GPR137B: variants seen among roughly 807,000 people sequenced by gnomAD.
The protein encoded by GPR137B is G protein-coupled receptor 137B.
A neutral mutation model predicts 42.5 loss-of-function variants in GPR137B; 42 were observed. That is an observed-to-expected ratio of 0.99 (90% CI 0.77 to 1.28). The LOEUF is 1.28. GPR137B is among the 50% of genes most tolerant of loss of function. The pLI, the probability that GPR137B is intolerant of heterozygous loss-of-function variation, is 0.00. For missense variants in GPR137B, 487 were observed against 493.9 expected, an observed-to-expected ratio of 0.99 and a Z score of 0.13; for synonymous variants, 218 against 209.7, an observed-to-expected ratio of 1.04 and a Z score of -0.34.
chr1:236,169,054 C>G (rs1662446247), intron 2 of GPR137B, among the ~76,000 whole-genome samples: 1 of 152,344 alleles, frequency 6.6e-6, no homozygotes, highest in South Asian at 2.1e-4. Context: ...TGTATGTTGC[C>G]TCTAAACCTT....
chr1:236,172,102 G>A (rs997977650), intron 2 of GPR137B, among the ~76,000 whole-genome samples: 1 of 151,992 alleles, frequency 6.6e-6, no homozygotes, highest in African/African-American at 2.4e-5. Flanking sequence ...CTTGAAACAG[G>A]AGGGTGAGGT....
At position 236,208,041 on chromosome 1, in the gene GPR137B, CTTTTT is replaced by C. The variant is rs760601150; in HGVS notation, c.1092-8_1092-4del. 19 of 1,597,076 alleles carry C rather than the reference CTTTTT, an allele frequency of 1.2e-5. No homozygotes were observed. The highest frequency in any genetic ancestry group is 1.7e-4 in the Middle Eastern group (1 of 6,054). ...TTTCAAGTCACTGAAATATTTTTTTCTTTTTAAGTTTTGCTCCAGATTACTATGAT... is the reference window on the plus strand; with the variant it reads ...TTTCAAGTCACTGAAATATTTTTTTCAAGTTTTGCTCCAGATTACTATGAT... On this transcript the variant is annotated splice_polypyrimidine_tract_variant and splice_region_variant and intron_variant, in intron 6 of 6. Coordinates refer to ENST00000366592, the MANE Select transcript of GPR137B (RefSeq NM_003272.4).
In GPR137B at chr1:236,142,599, G is replaced by GGGC. The variant is rs1558474989; in HGVS notation, c.-14_-12dup. On this transcript the variant is annotated 5_prime_UTR_variant, in exon 1 of 7. Transcript: ENST00000366592. ...GCGCGATGCGCGGAGACCCCCGCGG[G>GGGC]GGCGGCGGCGGCCGTGAGCCCCGAT... 3 of 1,291,392 alleles carry GGGC rather than the reference G, an allele frequency of 2.3e-6. No individual in the cohort carries two copies. In the East Asian group the frequency reaches 9.7e-5, roughly 42 times the overall value. 80.0% of individuals were successfully genotyped at this position (1,291,392 alleles called of 1,614,324 possible).
At chr1:236,207,235 AAAG>A (rs1208668956) in intron 6 of GPR137B, 19 of 985,276 alleles carry the variant, frequency 1.9e-5, no homozygotes, top group Admixed American at 6.1e-5. Context: ...CGCTGAGAAA[AAAG>A]AAGAAAGCTG....
Position 236,142,812 on chromosome 1 carries a change from C to T in GPR137B, c.190C>T (p.Leu64Phe). Residue 64 changes from leucine (L) to phenylalanine (F), a missense_variant, in exon 1 of 7, where the codon CTC becomes TTC. Coordinates refer to ENST00000366592, the MANE Select transcript of GPR137B (RefSeq NM_003272.4). ...GCTCTTCGTGTTCATCTACGTGCAG[C>T]TCTGGCTGGTGCTGCGTTACCGCCA... ...ALLFVFIYVQ[L>F]WLVLRYRHKR... is the part of the protein sequence containing the mutation. The T allele has an allele frequency of 6.2e-7, 1 of 1,614,054 alleles. No homozygotes were observed. Among genetic ancestry groups the T allele is most frequent in the Non-Finnish European group, 8.5e-7 (1 of 1,179,934 alleles).
intron 2 of GPR137B, among the ~76,000 whole-genome samples, chr1:236,173,837 C>T (rs547692367): frequency 5.3e-5 from 8 of 152,180 alleles, no homozygotes; most frequent in Non-Finnish European, 7.4e-5. Context: ...ACCTCCAGAT[C>T]GCTCCCTTTC....
At chr1:236,205,097 G>A (rs1663616094) in intron 5 of GPR137B, 29 bp from the exon 6 acceptor site, 2 of 1,598,282 alleles carry the variant, frequency 1.3e-6, no homozygotes, top group African/African-American at 1.3e-5. Flanking sequence ...ATGTCTGTAA[G>A]TATGCTGAAT....
chr1:236,191,628 C>G (rs1478271495), intron 5 of GPR137B, among the ~76,000 whole-genome samples: 3 of 152,198 alleles, frequency 2.0e-5, no homozygotes, highest in Non-Finnish European at 4.4e-5. Flanking sequence ...ACTCCAGACC[C>G]TGTTTGCCTG....
intron 5 of GPR137B, among the ~76,000 whole-genome samples, chr1:236,204,232 CA>C (rs1663582587): frequency 6.6e-6 from 1 of 152,146 alleles, no homozygotes; most frequent in Non-Finnish European, 1.5e-5. Flanking sequence ...TATGTTGAGC[CA>C]TCCTTGTATC....
chr1:236,188,050 C>T (rs1235673136), intron 5 of GPR137B, among the ~76,000 whole-genome samples: 3 of 152,060 alleles, frequency 2.0e-5, no homozygotes, highest in Non-Finnish European at 2.9e-5. Context: ...CTTCATATCC[C>T]TTGTAAGTTG....
chr1:236,146,017 C>A (rs1661672153), intron 1 of GPR137B, among the ~76,000 whole-genome samples: 1 of 152,142 alleles, frequency 6.6e-6, no homozygotes, highest in Admixed American at 6.6e-5. Context: ...GCCACTGCAC[C>A]TGGCTAATTT....
chr1:236,173,126 C>T (rs1662592681), intron 2 of GPR137B, among the ~76,000 whole-genome samples: 1 of 151,338 alleles, frequency 6.6e-6, no homozygotes. Context: ...GATCCCATCT[C>T]TACAAAATAA....
At chr1:236,166,983 C>A (rs528854659) in intron 1 of GPR137B, among the ~76,000 whole-genome samples, 1 of 152,122 alleles carries the variant, frequency 6.6e-6, no homozygotes, top group Non-Finnish European at 1.5e-5. Flanking sequence ...CGGGTATGCA[C>A]GTTGAGCACC....
At chr1:236,177,558 GTTTTTGT>G (rs1345779827) in intron 2 of GPR137B, among the ~76,000 whole-genome samples, 2 of 105,528 alleles carry the variant, frequency 1.9e-5, no homozygotes, top group African/African-American at 1.1e-4. Flanking sequence ...TTTTGTTTTT[GTTTTTGT>G]TTTTTTTTGA....
chr1:236,163,808 C>T (rs1662267509), intron 1 of GPR137B, among the ~76,000 whole-genome samples: 1 of 152,214 alleles, frequency 6.6e-6, no homozygotes, highest in Non-Finnish European at 1.5e-5. Context: ...TCTTCATCAG[C>T]AGCATGAAAA....
At chr1:236,157,929 A>G (rs530216597) in intron 1 of GPR137B, among the ~76,000 whole-genome samples, 1 of 152,326 alleles carries the variant, frequency 6.6e-6, no homozygotes, top group South Asian at 2.1e-4. Context: ...GCAGAAGGTT[A>G]TGGAAGGTAT....
At chr1:236,147,523 T>C (rs1661714078) in intron 1 of GPR137B, among the ~76,000 whole-genome samples, 1 of 152,190 alleles carries the variant, frequency 6.6e-6, no homozygotes, top group Admixed American at 6.5e-5. Context: ...GCCACATGGG[T>C]GACAGGCTGG....
rs536262443 is a variant in GPR137B at position 236,207,102 on chromosome 1, A to G, written c.1092-948A>G. On this transcript the variant is annotated intron_variant, in intron 6 of 6. Transcript: ENST00000366592. ...AGTGAAAGTCTTTAGAAAACTTTTT[A>G]AGAGAGCTCTGAAAAGAGTCCTTGT... 6.0e-4 allele frequency: 589 copies of G among 977,188 alleles called. 7 individuals carry two copies. In the South Asian group the frequency reaches 0.024, roughly 40 times the overall value. 60.5% of individuals were successfully genotyped at this position (977,188 alleles called of 1,614,324 possible).
At chr1:236,170,805 G>A (rs953257924) in intron 2 of GPR137B, among the ~76,000 whole-genome samples, 5 of 151,862 alleles carry the variant, frequency 3.3e-5, no homozygotes, top group South Asian at 2.1e-4. Context: ...GTGAAACCCC[G>A]TTTCTACTAA....
Sources: gnomAD v4.1 joint callset for allele counts (sites outside exome capture counted in the v4.1 genomes callset) on GRCh38, gnomAD v4.1.1 for gene constraint, MANE v1.5 for transcripts, NCBI Gene and HGNC (gene_info 2026-07-23, HGNC 2026-07-21) for gene names.